ADGRV1: variants seen among roughly 807,000 people sequenced by gnomAD.
ADGRV1 encodes adhesion G protein-coupled receptor V1.
Under a neutral mutation model 596.2 loss-of-function variants are expected in ADGRV1, and 359 were observed. The observed-to-expected ratio is 0.60, with a 90% CI of 0.55 to 0.66. The LOEUF (loss-of-function observed/expected upper bound fraction) is 0.66, where lower values mean the gene tolerates loss of function less well. Among genes scored for constraint, ADGRV1 ranks in the 30% least tolerant of loss-of-function variants. The probability of loss-of-function intolerance (pLI) is 0.00; values close to 1 mark genes in which losing one functional copy is unlikely to be tolerated. For missense variants in ADGRV1, 7,274 were observed against 7,575.6 expected (o/e 0.96, Z 1.48); for synonymous variants, 2,681 against 2,679.2 (o/e 1.00, Z -0.02).
At position 90,670,950 on chromosome 5, in the gene ADGRV1, A is replaced by G. The variant is rs1772376594; in HGVS notation, c.4753-1596A>G. Among the ~76,000 whole-genome samples, 3 of 152,194 alleles carry G rather than the reference A, an allele frequency of 2.0e-5. No homozygotes were observed. In the East Asian group the frequency reaches 5.8e-4, roughly 29 times the overall value. The stretch of plus-strand genomic sequence containing the variant: ...TTAACCACATGGAGACCCGCATCAC[A>G]CGGCCTCAAAGGGACTAATATGAAG... On this transcript the variant is annotated intron_variant, in intron 21 of 89. Transcript: ENST00000405460.
intron 83 of ADGRV1, among the ~76,000 whole-genome samples, chr5:90,933,097 A>G (rs1385839313): frequency 6.6e-6 from 1 of 152,202 alleles, no homozygotes; most frequent in East Asian, 1.9e-4. Context: ...TTTTAATCTC[A>G]GAGCTTGAGA....
At chr5:90,789,494 C>T (rs1195588164) in intron 68 of ADGRV1, among the ~76,000 whole-genome samples, 1 of 152,098 alleles carries the variant, frequency 6.6e-6, no homozygotes, top group Non-Finnish European at 1.5e-5. Context: ...TTCCCATCAT[C>T]TTTGGGGAAT....
chr5:90,661,738 T>C (rs1180025425), intron 21 of ADGRV1, among the ~76,000 whole-genome samples: 1 of 152,194 alleles, frequency 6.6e-6, no homozygotes. Context: ...TGTTTGGGGA[T>C]GGTTTGATGA....
intron 1 of ADGRV1, among the ~76,000 whole-genome samples, chr5:90,587,719 A>G (rs1328944622): frequency 6.6e-6 from 1 of 151,722 alleles, no homozygotes; most frequent in Non-Finnish European, 1.5e-5. Context: ...CACCATGCCC[A>G]GCTAATTTTT....
At chr5:90,728,648 G>A (rs1283554333) in intron 48 of ADGRV1, 21 bp from the exon 49 acceptor site, 7 of 1,592,666 alleles carry the variant, frequency 4.4e-6, no homozygotes, top group African/African-American at 2.7e-5. Flanking sequence ...AAAGGGTTTT[G>A]TATTTCAACA....
chr5:90,865,020 A>C (rs368855839), intron 83 of ADGRV1, among the ~76,000 whole-genome samples: 19 of 152,316 alleles, frequency 1.2e-4, no homozygotes, highest in African/African-American at 4.3e-4. Context: ...ATGGAAAATT[A>C]TCTTAAACAT....
intron 2 of ADGRV1, among the ~76,000 whole-genome samples, chr5:90,616,168 T>G (rs1160305372): frequency 6.6e-6 from 1 of 152,086 alleles, no homozygotes; most frequent in African/African-American, 2.4e-5. Context: ...TTTATTGTTA[T>G]GTATGAGAAC....
In ADGRV1 at chr5:90,877,700, ATAGT is replaced by A. The variant is rs1769349911; in HGVS notation, c.17856+13847_17856+13850del. ...AGTTTAAGTGAAGAGATAGGAAAAA[ATAGT>A]TAGGTGTAAGGTATATTTTTTCAAT... On this transcript the variant is annotated intron_variant, in intron 83 of 89. Coordinates refer to ENST00000405460, the MANE Select transcript of ADGRV1 (RefSeq NM_032119.4). Among the ~76,000 whole-genome samples the A allele has an allele frequency of 2.0e-5, 3 of 152,030 alleles. No homozygotes were observed. The South Asian group carries it at 6.2e-4, about 32-fold the overall frequency.
chr5:90,965,681 C>T (rs564546605), intron 84 of ADGRV1, 150 bp downstream of exon 84: 16 of 506,736 alleles, frequency 3.2e-5, no homozygotes, highest in Admixed American at 2.4e-4. Flanking sequence ...ATAAAAACAC[C>T]CTATAAGCTG....
intron 1 of ADGRV1, among the ~76,000 whole-genome samples, chr5:90,596,111 G>A (rs1218965193): frequency 6.6e-6 from 1 of 150,552 alleles, no homozygotes; most frequent in Non-Finnish European, 1.5e-5. Flanking sequence ...ACTCCCAGAT[G>A]GGGTGGCGGC....
At chr5:90,636,594 C>T (rs16868894) in intron 10 of ADGRV1, among the ~76,000 whole-genome samples, 27,562 of 152,080 alleles carry the variant, frequency 0.18, 2,689 homozygotes, top group East Asian at 0.4. Flanking sequence ...GCTCCTTGGA[C>T]CTGCATTCTT....
chr5:90,643,765 A>C (rs1011640045), intron 13 of ADGRV1, 38 bp from the exon 14 acceptor site: 3 of 1,468,558 alleles, frequency 2.0e-6, no homozygotes, highest in Non-Finnish European at 2.8e-6. Flanking sequence ...GTGAAAAGTC[A>C]ACTTTATAAT....
rs141233335 is a variant in ADGRV1, at chr5:91,048,572, C to T, written c.18153-23875C>T. Among the ~76,000 whole-genome samples the T allele has an allele frequency of 3.4e-3, 519 of 152,264 alleles. 2 individuals carry two copies. The highest frequency in any genetic ancestry group is 0.011 in the African/African-American group (475 of 41,552). On this transcript the variant is annotated intron_variant, in intron 85 of 89. Coordinates refer to ENST00000405460, the MANE Select transcript of ADGRV1 (RefSeq NM_032119.4). ...ATAGCACAATTGTAGGTATCTTGTTCTCTCTTTTTCCTATACAAGTGCATG... is the reference window on the plus strand; with the variant it reads ...ATAGCACAATTGTAGGTATCTTGTTTTCTCTTTTTCCTATACAAGTGCATG...
At chr5:90,561,026 A>G (rs1353138861) in intron 1 of ADGRV1, among the ~76,000 whole-genome samples, 1 of 152,180 alleles carries the variant, frequency 6.6e-6, no homozygotes, top group Admixed American at 6.5e-5. Context: ...CCTATGATGA[A>G]TCATAATAGT....
intron 87 of ADGRV1, among the ~76,000 whole-genome samples, chr5:91,136,460 T>A (rs1582168111): frequency 6.6e-6 from 1 of 152,228 alleles, no homozygotes; most frequent in East Asian, 1.9e-4. Flanking sequence ...AATGTTATGT[T>A]ATTTCTCAGA....
chr5:91,005,320 A>G (rs949459052), intron 85 of ADGRV1, among the ~76,000 whole-genome samples: 1 of 152,158 alleles, frequency 6.6e-6, no homozygotes, highest in African/African-American at 2.4e-5. Flanking sequence ...AAATTGTATC[A>G]TAACTTTGTA....
chr5:90,858,473 A>C (rs1252232035), intron 82 of ADGRV1, among the ~76,000 whole-genome samples: 2 of 151,924 alleles, frequency 1.3e-5, no homozygotes, highest in Non-Finnish European at 2.9e-5. Context: ...ATAGTCTTGT[A>C]ATCTTTTTTT....
chr5:91,014,677 G>A (rs2151162883), intron 85 of ADGRV1, among the ~76,000 whole-genome samples: 1 of 151,990 alleles, frequency 6.6e-6, no homozygotes, highest in Middle Eastern at 3.4e-3. Flanking sequence ...CAGTTTGTAT[G>A]CAAAGGTGTG....
In ADGRV1 at chr5:90,796,270, G is replaced by T. The variant is rs544687609; in HGVS notation, c.14517+4924G>T. On this transcript the variant is annotated intron_variant, in intron 70 of 89. Coordinates refer to ENST00000405460, the MANE Select transcript of ADGRV1 (RefSeq NM_032119.4). ...ATTGCTAACTAGAATAACCAGTTTA[G>T]AGAAGAACATAAATGACCTGATGGA... Among the ~76,000 whole-genome samples, 6 of 152,232 alleles carry T rather than the reference G, an allele frequency of 3.9e-5. No homozygotes were observed. The South Asian group carries it at 1.2e-3, about 32-fold the overall frequency.
Sources: allele counts gnomAD v4.1 joint callset (sites outside exome capture counted in the v4.1 genomes callset), GRCh38; gene constraint gnomAD v4.1.1; transcripts MANE v1.5; gene names NCBI Gene and HGNC (gene_info 2026-07-23, HGNC 2026-07-21).